The following C1QTNF6 variants were observed in gnomAD, a reference collection of about 807,000 sequenced individuals.
C1QTNF6 encodes complement C1q tumor necrosis factor-related protein 6.
C1QTNF6 carries 17 observed loss-of-function variants against 20.7 expected under a neutral mutation model. That is an observed-to-expected ratio of 0.82 (90% CI 0.56 to 1.23). C1QTNF6 has a LOEUF of 1.23. Ranked by LOEUF, C1QTNF6 falls within the 50% of genes most tolerant of loss-of-function variation. The pLI, the probability that C1QTNF6 is intolerant of heterozygous loss-of-function variation, is 0.00. For missense variants in C1QTNF6, 329 were observed against 389.7 expected, an observed-to-expected ratio of 0.84 and a Z score of 1.31; for synonymous variants, 130 against 156.3, an observed-to-expected ratio of 0.83 and a Z score of 1.25.
intron 2 of C1QTNF6, among the ~76,000 whole-genome samples, chr22:37,183,988 G>GC (rs1434899814): frequency 1.3e-5 from 2 of 152,208 alleles, no homozygotes; most frequent in Admixed American, 1.3e-4. Flanking sequence ...CCTCACGGCA[G>GC]CCTACCCACC....
chr22:37,191,105 T>C (rs1924794717), upstream of C1QTNF6, among the ~76,000 whole-genome samples: 1 of 152,170 alleles, frequency 6.6e-6, no homozygotes, highest in Non-Finnish European at 1.5e-5. Context: ...AGAGTACTCA[T>C]CAGAGTCCTA....
chr22:37,199,390 C>G (rs1766911904), upstream of C1QTNF6: 1 of 152,396 alleles, frequency 6.6e-6, no homozygotes, highest in Non-Finnish European at 1.5e-5. Flanking sequence ...GGCCTCGCGC[C>G]CGGAGGGCGG....
chr22:37,184,256 G>A lies in C1QTNF6; in HGVS notation c.289+962C>T, dbSNP rs925430754. 7 of 680,452 alleles carry A rather than the reference G, an allele frequency of 1.0e-5. No homozygotes were observed. The highest frequency in any genetic ancestry group is 1.9e-5 in the Non-Finnish European group (7 of 363,382). 42.2% of individuals were successfully genotyped at this position (680,452 alleles called of 1,614,324 possible). ...CGGGGAGAGCTCAGGAACAAATCCT[G>A]GCTCCATCCCTGACAGCTGTGTGGC... On this transcript the variant is annotated intron_variant, in intron 2 of 2. Coordinates refer to ENST00000337843, the MANE Select transcript of C1QTNF6 (RefSeq NM_031910.4). This position sits in a 1 kb window ranked among gnomAD's most constrained non-coding sequence, Gnocchi z 4.0.
intron 1 of C1QTNF6, 93 bp from the exon 2 acceptor site, chr22:37,185,548 A>G (rs1924252141): frequency 7.0e-7 from 1 of 1,434,948 alleles, no homozygotes; most frequent in South Asian, 1.5e-5. Context: ...TCCTCCAGCC[A>G]CAGCACTCCT....
rs779446196 is a variant in C1QTNF6, at chr22:37,182,412, T to G, written c.613A>C (p.Thr205Pro). Residue 205 changes from threonine to proline, a missense_variant, in exon 3 of 3, where the codon ACG becomes CCG. Thr to Pro is a conservative substitution (Grantham distance 38). Coordinates refer to ENST00000337843, the MANE Select transcript of C1QTNF6 (RefSeq NM_031910.4). ...LNVHSWNYKE[T>P]YVHIMHNQKE... ...TGGTTATGCATAATGTGCACGTACG[T>G]CTCCTTGTAATTCCAGCTGTGCACA... 3 of 1,614,190 alleles carry G rather than the reference T, an allele frequency of 1.9e-6. No individual in the cohort carries two copies. Among genetic ancestry groups the G allele is most frequent in the Non-Finnish European group, 2.5e-6 (3 of 1,180,020 alleles).
At chr22:37,189,176 T>C (rs963088643), upstream of C1QTNF6, among the ~76,000 whole-genome samples, 8 of 152,214 alleles carry the variant, frequency 5.3e-5, no homozygotes, top group South Asian at 6.2e-4. Flanking sequence ...GTCTTGGTGC[T>C]GGTAGAAGTG....
chr22:37,193,079 C>T (rs966249287), upstream of C1QTNF6, among the ~76,000 whole-genome samples: 2 of 152,152 alleles, frequency 1.3e-5, no homozygotes, highest in Admixed American at 6.5e-5. Context: ...TTCTAGGTGG[C>T]CAAGAGCATG....
chr22:37,186,098 C>T, intron 1 of C1QTNF6: 1 of 985,516 alleles, frequency 1.0e-6, no homozygotes, highest in Non-Finnish European at 1.2e-6. Context: ...CAGAAAGCAA[C>T]GTCCATGAGA....
rs1923857549 is a variant in C1QTNF6 at position 37,182,359 on chromosome 22, C to T, written c.666G>A (p.Gln222=). ...TCTGCATGATGCTGCGCTCGCTGGGCTGCGCGTACAGGATGACAGCCTCTT... is the reference window on the plus strand; with the variant it reads ...TCTGCATGATGCTGCGCTCGCTGGGTTGCGCGTACAGGATGACAGCCTCTT... ...NQKEAVILYA[Q]PSERSIMQSQ... Residue 222 remains glutamine, a synonymous_variant, in exon 3 of 3, where the codon CAG becomes CAA. Transcript: ENST00000337843. 1 of 1,614,154 alleles carries T rather than the reference C, an allele frequency of 6.2e-7. No individual in the cohort carries two copies. The highest frequency in any genetic ancestry group is 1.7e-5 in the Admixed American group (1 of 60,014).
chr22:37,197,462 G>C (rs1925207832), intron 1 of C1QTNF6: 1 of 152,348 alleles, frequency 6.6e-6, no homozygotes, highest in Non-Finnish European at 1.5e-5. Flanking sequence ...ACAGGCTGGG[G>C]ACACAGCAAT....
upstream of C1QTNF6, chr22:37,198,258 G>A (rs1252428928): frequency 1.3e-5 from 2 of 152,288 alleles, no homozygotes; most frequent in Non-Finnish European, 2.9e-5. Flanking sequence ...CCATTCTGTG[G>A]GCCTTCCATA....
chr22:37,183,892 C>T (rs994899463), intron 2 of C1QTNF6, among the ~76,000 whole-genome samples: 6 of 152,088 alleles, frequency 3.9e-5, no homozygotes, highest in South Asian at 2.1e-4. Flanking sequence ...AAGCTCAGGG[C>T]GGGGGAGAGA....
chr22:37,190,174 G>A (rs566208599), upstream of C1QTNF6, among the ~76,000 whole-genome samples: 17 of 152,228 alleles, frequency 1.1e-4, no homozygotes, highest in African/African-American at 3.4e-4. Flanking sequence ...TTGAAACACC[G>A]TTTTTCTCTC....
chr22:37,191,811 C>T (rs1292602738), upstream of C1QTNF6: 1 of 152,120 alleles, frequency 6.6e-6, no homozygotes, highest in Non-Finnish European at 1.5e-5. Flanking sequence ...AGAGAGAAAG[C>T]CAAATTTTAC....
At chr22:37,185,989 T>C in intron 1 of C1QTNF6, 1 of 985,666 alleles carries the variant, frequency 1.0e-6, no homozygotes, top group African/African-American at 1.7e-5. Context: ...TGGAGGCTTG[T>C]TCTCAGGAGA....
upstream of C1QTNF6, among the ~76,000 whole-genome samples, chr22:37,189,973 G>A (rs546325065): frequency 2.6e-5 from 4 of 152,290 alleles, no homozygotes; most frequent in African/African-American, 7.2e-5. Context: ...GTTGCTAGAC[G>A]ATTCCAATAC....
chr22:37,185,118 A>G, intron 2 of C1QTNF6, 100 bp downstream of exon 2: 3 of 1,457,856 alleles, frequency 2.1e-6, no homozygotes, highest in Non-Finnish European at 2.7e-6. Context: ...CTCAGGATGA[A>G]AGAGGAGTCT....
chr22:37,182,227 G>C lies in C1QTNF6; in HGVS notation c.798C>G (p.Ile266Met), dbSNP rs1225762622. 6 of 1,614,018 alleles carry C rather than the reference G, an allele frequency of 3.7e-6. No individual in the cohort carries two copies. The highest frequency in any genetic ancestry group is 4.2e-6 in the Non-Finnish European group (5 of 1,179,932). The stretch of plus-strand genomic sequence containing the variant: ...CCTTGATGAGGTGGCCGCTGAAGGT[G>C]ATGTAGGTGTCGAAGTCGTTGCTGT... The part of the protein sequence containing the change: ...AIYSNDFDTY[I>M]TFSGHLIKAE... The change falls in exon 3 of 3, where the codon ATC (isoleucine) becomes ATG (methionine). Residue 266 changes from isoleucine (I) to methionine (M), a missense_variant. Ile to Met is a conservative substitution (Grantham distance 10). Transcript: ENST00000337843.
At chr22:37,192,720 C>A (rs1270408991), upstream of C1QTNF6, among the ~76,000 whole-genome samples, 1 of 152,146 alleles carries the variant, frequency 6.6e-6, no homozygotes, top group African/African-American at 2.4e-5. Flanking sequence ...GATTTAAGTA[C>A]TTATTATTTT....
Sources: allele counts gnomAD v4.1 joint callset (sites outside exome capture counted in the v4.1 genomes callset), GRCh38; gene constraint gnomAD v4.1.1; non-coding constraint Gnocchi (gnomAD v3.1); transcripts MANE v1.5; gene names NCBI Gene and HGNC (gene_info 2026-07-23, HGNC 2026-07-21).